PPP3CA: variants seen among roughly 807,000 people sequenced by gnomAD.
The protein encoded by PPP3CA is CAM-PRP catalytic subunit.
PPP3CA carries 14 observed loss-of-function variants against 66.5 expected under a neutral mutation model. The observed-to-expected ratio is 0.21, with a 90% CI of 0.14 to 0.33. The LOEUF (loss-of-function observed/expected upper bound fraction) is 0.33. PPP3CA is among the 10% of genes least tolerant of loss of function. PPP3CA has a pLI of 1.00. For missense variants in PPP3CA, 317 were observed against 639.5 expected, an observed-to-expected ratio of 0.50 and a Z score of 5.44; for synonymous variants, 232 against 226.2, an observed-to-expected ratio of 1.03 and a Z score of -0.23.
At chr4:101,061,421 A>G (rs781238003) in intron 9 of PPP3CA, among the ~76,000 whole-genome samples, 2 of 152,122 alleles carry the variant, frequency 1.3e-5, no homozygotes, top group Admixed American at 6.6e-5. Flanking sequence ...CAAATCAAAT[A>G]TGTGGATGTG....
chr4:101,308,553 T>C (rs1323425379), intron 1 of PPP3CA, among the ~76,000 whole-genome samples: 1 of 152,086 alleles, frequency 6.6e-6, no homozygotes, highest in Admixed American at 6.6e-5. Flanking sequence ...TCAAGTGATC[T>C]TGCAGCTTCA....
rs576967056 is a variant in PPP3CA, at chr4:101,074,820, G to C, written c.955+5712C>G. Among the ~76,000 whole-genome samples, 147 of 152,258 alleles carry C rather than the reference G, an allele frequency of 9.7e-4. 1 individual carries two copies. Among genetic ancestry groups the C allele is most frequent in the East Asian group, 9.7e-4 (5 of 5,172 alleles). On this transcript the variant is annotated intron_variant, in intron 8 of 13. Coordinates refer to ENST00000394854, the MANE Select transcript of PPP3CA (RefSeq NM_000944.5). The stretch of plus-strand genomic sequence containing the variant: ...ATATTTTTCCCTATCAAAAAGGATA[G>C]ACTTTTGCATCTCAGAATTTTAGCA...
At chr4:101,279,753 C>T (rs1254278569) in intron 1 of PPP3CA, among the ~76,000 whole-genome samples, 1 of 152,024 alleles carries the variant, frequency 6.6e-6, no homozygotes, top group East Asian at 1.9e-4. Context: ...GAACAGAAGC[C>T]AAGCTGAAAG....
At chr4:101,106,480 GA>G (rs1438379646) in intron 3 of PPP3CA, among the ~76,000 whole-genome samples, 5 of 48,998 alleles carry the variant, frequency 1.0e-4, no homozygotes, top group African/African-American at 5.4e-4. Flanking sequence ...GAAAAGAAAA[GA>G]AAAGAAAAGA....
intron 6 of PPP3CA, 67 bp downstream of exon 6, chr4:101,093,704 CAAACA>C: frequency 7.4e-7 from 1 of 1,345,730 alleles, no homozygotes; most frequent in Non-Finnish European, 9.8e-7. Context: ...ATAAATAAAT[CAAACA>C]CATGGACTGA....
In PPP3CA at chr4:101,144,144, G is replaced by A. The variant is rs568604942; in HGVS notation, c.260-35066C>T. Among the ~76,000 whole-genome samples, 5 of 152,284 alleles carry A rather than the reference G, an allele frequency of 3.3e-5. No individual in the cohort carries two copies. In the East Asian group the frequency reaches 9.7e-4, roughly 29 times the overall value. On this transcript the variant is annotated intron_variant, in intron 2 of 13. Transcript: ENST00000394854. ...AGCGCTGTCTGGACCATTACATGAAGTTTAGATGGAATTTCTGCCTTCAGC... is the reference window on the plus strand; with the variant it reads ...AGCGCTGTCTGGACCATTACATGAAATTTAGATGGAATTTCTGCCTTCAGC...
intron 2 of PPP3CA, among the ~76,000 whole-genome samples, chr4:101,124,799 G>GAAAGAAAGAAAGAAAGAAAAAGAA (rs1399400422): frequency 1.0e-5 from 1 of 100,324 alleles, no homozygotes; most frequent in African/African-American, 5.1e-5. Context: ...AAGAAAGAAA[G>GAAAGAAAGAAAGAAAGAAAAAGAA]AGAAAACTGT....
chr4:101,306,037 A>C (rs1373690879), intron 1 of PPP3CA, among the ~76,000 whole-genome samples: 2 of 152,118 alleles, frequency 1.3e-5, no homozygotes, highest in African/African-American at 4.8e-5. Context: ...CTGCCTCCTA[A>C]AATGGAGAAT....
chr4:101,269,515 T>C (rs916816190), intron 1 of PPP3CA, among the ~76,000 whole-genome samples: 4 of 150,230 alleles, frequency 2.7e-5, no homozygotes, highest in African/African-American at 7.3e-5. Context: ...CTTCTTATCA[T>C]GCACAGAAAA....
intron 10 of PPP3CA, among the ~76,000 whole-genome samples, chr4:101,046,125 T>C (rs1392838800): frequency 6.6e-6 from 1 of 152,158 alleles, no homozygotes; most frequent in Non-Finnish European, 1.5e-5. Context: ...TCACTGGAGT[T>C]ACATTCTCCC....
intron 1 of PPP3CA, among the ~76,000 whole-genome samples, chr4:101,264,979 A>G (rs1465541659): frequency 6.6e-6 from 1 of 152,220 alleles, no homozygotes; most frequent in African/African-American, 2.4e-5. Flanking sequence ...CTGAGGGGGA[A>G]GTAGCCTTCA....
chr4:101,131,895 T>G (rs368034322), intron 2 of PPP3CA, among the ~76,000 whole-genome samples: 1 of 152,066 alleles, frequency 6.6e-6, no homozygotes, highest in Non-Finnish European at 1.5e-5. Flanking sequence ...GAAATCATAA[T>G]GAACAGTCTC....
rs201352739 is a variant in PPP3CA, at chr4:101,083,296, G to A, written c.783-33C>T. On this transcript the variant is annotated intron_variant, in intron 6 of 13. Transcript: ENST00000394854. ...AGACAAAAAGAAAAGGGAAGCATCT[G>A]TTAGGAAATCATCAGGAGTAGCACA... 7.8e-5 allele frequency: 122 copies of A among 1,567,332 alleles called. No individual in the cohort carries two copies. In the East Asian group the frequency reaches 2.6e-3, roughly 34 times the overall value.
At chr4:101,166,760 G>A (rs1480653384) in intron 2 of PPP3CA, among the ~76,000 whole-genome samples, 1 of 152,096 alleles carries the variant, frequency 6.6e-6, no homozygotes, top group Non-Finnish European at 1.5e-5. Flanking sequence ...GGATTCCAAA[G>A]CAACAACAAT....
At chr4:101,208,079 A>G (rs1725189454) in intron 1 of PPP3CA, among the ~76,000 whole-genome samples, 1 of 152,230 alleles carries the variant, frequency 6.6e-6, no homozygotes, top group African/African-American at 2.4e-5. Context: ...GGTCACAACT[A>G]GCAGACTAGA....
rs530495991 is a variant in PPP3CA at position 101,042,286 on chromosome 4, A to C, written c.1157-1720T>G. ...GGTGATGCTAACACAAACCCATCTC[A>C]TAGGTGCATGGGTGTTCCCCAGAGG... On this transcript the variant is annotated intron_variant, in intron 10 of 13. Transcript: ENST00000394854. Among the ~76,000 whole-genome samples, 16 of 149,126 alleles carry C rather than the reference A, an allele frequency of 1.1e-4. No homozygotes were observed. The South Asian group carries it at 3.4e-3, about 31-fold the overall frequency.
intron 1 of PPP3CA, among the ~76,000 whole-genome samples, chr4:101,297,252 T>A (rs1405706192): frequency 2.0e-5 from 3 of 152,214 alleles, no homozygotes; most frequent in Non-Finnish European, 2.9e-5. Flanking sequence ...TGACATTAAT[T>A]CCAGATGAAA....
chr4:101,125,709 T>G (rs1402909299), intron 2 of PPP3CA, among the ~76,000 whole-genome samples: 1 of 152,210 alleles, frequency 6.6e-6, no homozygotes, highest in Non-Finnish European at 1.5e-5. Flanking sequence ...TCCAGTGCCT[T>G]GGCTAGAGGT....
At chr4:101,263,304 C>CA (rs758138950) in intron 1 of PPP3CA, among the ~76,000 whole-genome samples, 10 of 152,132 alleles carry the variant, frequency 6.6e-5, no homozygotes, top group African/African-American at 9.7e-5. Flanking sequence ...AGAGTTTACA[C>CA]AAAAAACTAC....
Sources: gnomAD v4.1 joint callset for allele counts (sites outside exome capture counted in the v4.1 genomes callset) on GRCh38, gnomAD v4.1.1 for gene constraint, MANE v1.5 for transcripts, NCBI Gene and HGNC (gene_info 2026-07-23, HGNC 2026-07-21) for gene names.